Variants in CHP1 observed in about 807,000 individuals in gnomAD.
CHP1 encodes calcineurin B homologous protein 1.
CHP1 carries 11 observed loss-of-function variants against 27.4 expected under a neutral mutation model. The observed-to-expected ratio is 0.40, with a 90% CI of 0.25 to 0.67. The LOEUF (loss-of-function observed/expected upper bound fraction) is 0.67, where lower values mean the gene tolerates loss of function less well. Ranked by LOEUF, CHP1 falls within the 30% of genes least tolerant of loss-of-function variation. The pLI is 0.38. For missense variants in CHP1, 169 were observed against 251.3 expected, an observed-to-expected ratio of 0.67 and a Z score of 2.22; for synonymous variants, 89 against 87.4, an observed-to-expected ratio of 1.02 and a Z score of -0.10.
intron 2 of CHP1, among the ~76,000 whole-genome samples, chr15:41,249,156 A>G (rs2047350875): frequency 6.6e-6 from 1 of 152,100 alleles, no homozygotes; most frequent in African/African-American, 2.4e-5. Flanking sequence ...ATCTTTTGTT[A>G]CCTGGAACAG....
intron 5 of CHP1, among the ~76,000 whole-genome samples, chr15:41,276,087 A>G (rs2047518339): frequency 6.6e-6 from 1 of 152,070 alleles, no homozygotes; most frequent in Non-Finnish European, 1.5e-5. Flanking sequence ...CTAAAAATAC[A>G]AAAATTAGCC....
chr15:41,270,191 T>C (rs1595481685), intron 4 of CHP1, among the ~76,000 whole-genome samples: 2 of 152,208 alleles, frequency 1.3e-5, no homozygotes, highest in Non-Finnish European at 2.9e-5. Flanking sequence ...ATTGTTGGTT[T>C]TCCCTGAGTG....
chr15:41,250,819 C>T (rs1293661574), intron 2 of CHP1, among the ~76,000 whole-genome samples: 1 of 150,448 alleles, frequency 6.6e-6, no homozygotes, highest in Non-Finnish European at 1.5e-5. Flanking sequence ...ATATTTAAGA[C>T]TTTCTTTCTT....
At chr15:41,269,195 C>T (rs755168786) in intron 4 of CHP1, among the ~76,000 whole-genome samples, 1 of 151,498 alleles carries the variant, frequency 6.6e-6, no homozygotes, top group Non-Finnish European at 1.5e-5. Flanking sequence ...AGAGCAGGAC[C>T]CTGTCTGAAA....
chr15:41,258,091 T>TATAC (rs973052438), intron 3 of CHP1, among the ~76,000 whole-genome samples: 1 of 152,186 alleles, frequency 6.6e-6, no homozygotes, highest in Non-Finnish European at 1.5e-5. Context: ...TGTGTGTGTA[T>TATAC]ATACATACAT....
intron 5 of CHP1, among the ~76,000 whole-genome samples, chr15:41,271,534 G>A (rs2047489695): frequency 6.6e-6 from 1 of 152,160 alleles, no homozygotes. Flanking sequence ...CAGATTATTG[G>A]CAGCCAGGTA....
At position 41,267,701 on chromosome 15, in the gene CHP1, A is replaced by C. The variant is rs139358337; in HGVS notation, c.350-2856A>C. On this transcript the variant is annotated intron_variant, in intron 4 of 6. Transcript: ENST00000334660. ...AAAAAAGAAGCAATAGCATTGATTG[A>C]AGTAAAGGTAAAGGTTTGTAGCCTG... Among the ~76,000 whole-genome samples the C allele has an allele frequency of 3.8e-3, 575 of 151,810 alleles. 1 individual carries two copies. The highest frequency in any genetic ancestry group is 7.6e-3 in the Admixed American group (116 of 15,196).
At chr15:41,248,802 G>T (rs1384953388) in intron 2 of CHP1, among the ~76,000 whole-genome samples, 2 of 152,160 alleles carry the variant, frequency 1.3e-5, no homozygotes, top group Admixed American at 6.5e-5. Context: ...ATACCTAGAA[G>T]AAATTAGCCA....
intron 2 of CHP1, among the ~76,000 whole-genome samples, chr15:41,249,977 GA>G (rs1293016914): frequency 6.6e-6 from 1 of 151,566 alleles, no homozygotes; most frequent in Non-Finnish European, 1.5e-5. Context: ...ACATAAGGCA[GA>G]ACTGTGGAAG....
At chr15:41,249,674 G>A (rs2047355207) in intron 2 of CHP1, among the ~76,000 whole-genome samples, 1 of 151,626 alleles carries the variant, frequency 6.6e-6, no homozygotes, top group South Asian at 2.1e-4. Flanking sequence ...GGGTTTCACT[G>A]TGTTAGCCAG....
intron 2 of CHP1, among the ~76,000 whole-genome samples, chr15:41,244,691 A>G (rs1595472553): frequency 6.6e-6 from 1 of 152,310 alleles, no homozygotes; most frequent in East Asian, 1.9e-4. Flanking sequence ...AGATGTCGGT[A>G]GTGCCAAAAT....
chr15:41,245,551 G>A lies in CHP1; in HGVS notation c.140+1812G>A, dbSNP rs965609599. On this transcript the variant is annotated intron_variant, in intron 2 of 6. Coordinates refer to ENST00000334660, the MANE Select transcript of CHP1 (RefSeq NM_007236.5). Reference sequence around the variant, plus strand: ...TTCATCCATGATGTAGCATATACCAGTACTTCATTCCTTTTTATGGCTGAA... The same window carrying A: ...TTCATCCATGATGTAGCATATACCAATACTTCATTCCTTTTTATGGCTGAA... Among the ~76,000 whole-genome samples, 3 of 152,156 alleles carry A rather than the reference G, an allele frequency of 2.0e-5. No homozygotes were observed. The East Asian group carries it at 5.8e-4, about 29-fold the overall frequency.
rs2047247146 is a variant in CHP1, at chr15:41,231,895, A to C, written c.67+446A>C. 2.6e-5 allele frequency among the ~76,000 whole-genome samples: 4 copies of C among 152,190 alleles called. No homozygotes were observed. The South Asian group carries it at 8.3e-4, about 32-fold the overall frequency. On this transcript the variant is annotated intron_variant, in intron 1 of 6. Transcript: ENST00000334660. ...AAACCTCTGACAACTATGGGAAATT[A>C]CAAACAAGTTCTTGTCACAAATTGG... is the stretch of plus-strand genomic sequence containing the variant.
intron 2 of CHP1, among the ~76,000 whole-genome samples, chr15:41,249,220 C>G (rs1317569420): frequency 6.6e-6 from 1 of 152,122 alleles, no homozygotes; most frequent in Non-Finnish European, 1.5e-5. Flanking sequence ...GACTCTATTG[C>G]CCAGGCTTGA....
At chr15:41,258,828 A>G (rs2047416744) in intron 3 of CHP1, among the ~76,000 whole-genome samples, 1 of 152,206 alleles carries the variant, frequency 6.6e-6, no homozygotes, top group African/African-American at 2.4e-5. Context: ...GCCAGTTTTT[A>G]ATAATGAGAC....
intron 2 of CHP1, chr15:41,256,665 C>A (rs1567007953): frequency 2.0e-6 from 1 of 510,304 alleles, no homozygotes; most frequent in Non-Finnish European, 3.5e-6. Flanking sequence ...ATTGACGTAA[C>A]CTGTGTGCTA....
intron 2 of CHP1, among the ~76,000 whole-genome samples, chr15:41,256,095 A>G (rs1401978621): frequency 6.6e-6 from 1 of 152,198 alleles, no homozygotes; most frequent in East Asian, 1.9e-4. Flanking sequence ...TTAGATTTAA[A>G]TCACAGTTCT....
At chr15:41,253,038 A>G (rs577731335) in intron 2 of CHP1, among the ~76,000 whole-genome samples, 2 of 145,884 alleles carry the variant, frequency 1.4e-5, no homozygotes, top group African/African-American at 5.1e-5. Flanking sequence ...TCCCAGGTTC[A>G]AGTGATTCTC....
intron 1 of CHP1, among the ~76,000 whole-genome samples, chr15:41,232,487 A>T (rs2047255325): frequency 6.6e-6 from 1 of 151,924 alleles, no homozygotes; most frequent in Admixed American, 6.6e-5. Flanking sequence ...CTGGGATTAC[A>T]GGTGTGAGCC....
Sources: gnomAD v4.1 joint callset for allele counts (sites outside exome capture counted in the v4.1 genomes callset) on GRCh38, gnomAD v4.1.1 for gene constraint, MANE v1.5 for transcripts, NCBI Gene and HGNC (gene_info 2026-07-23, HGNC 2026-07-21) for gene names.